Variants in SHC4 observed in about 807,000 individuals in gnomAD.
SHC4 encodes SHC-transforming protein 4.
In SHC4, 41 loss-of-function variants were observed where a neutral mutation model predicts 69.4. That is an observed-to-expected ratio of 0.59 (90% CI 0.46 to 0.77). SHC4 has a LOEUF of 0.77. SHC4 is among the 30% of genes least tolerant of loss of function. The pLI is 0.00. For missense variants in SHC4, 777 were observed against 783.8 expected (o/e 0.99, Z 0.10); for synonymous variants, 318 against 299.3 (o/e 1.06, Z -0.64).
chr15:48,830,405 T>C (rs78885442), intron 11 of SHC4, among the ~76,000 whole-genome samples: 3,020 of 152,322 alleles, frequency 0.02, 106 homozygotes, highest in African/African-American at 0.069. Flanking sequence ...TATAGTTACA[T>C]AGTTATTGTT....
chr15:48,827,648 G>T (rs1004150985), intron 11 of SHC4, among the ~76,000 whole-genome samples: 1 of 152,118 alleles, frequency 6.6e-6, no homozygotes. Context: ...CTGTATACAA[G>T]TGTGAAATTA....
At chr15:48,877,692 G>T (rs1036401055) in intron 4 of SHC4, 51 of 487,120 alleles carry the variant, frequency 1.0e-4, no homozygotes, top group African/African-American at 1.0e-3. Context: ...CTTTTTAAAT[G>T]AAAACACTAA....
intron 5 of SHC4, among the ~76,000 whole-genome samples, chr15:48,870,193 T>C (rs1899642051): frequency 6.6e-6 from 1 of 152,220 alleles, no homozygotes; most frequent in African/African-American, 2.4e-5. Flanking sequence ...ATGACTGAGC[T>C]AGGGAGAAGA....
At chr15:48,846,183 C>A (rs1428934989) in intron 9 of SHC4, among the ~76,000 whole-genome samples, 1 of 152,060 alleles carries the variant, frequency 6.6e-6, no homozygotes, top group Non-Finnish European at 1.5e-5. Flanking sequence ...CTTTTAAATT[C>A]ATATGGACCT....
chr15:48,860,464 G>A (rs1241021200), intron 6 of SHC4, among the ~76,000 whole-genome samples: 4 of 152,056 alleles, frequency 2.6e-5, no homozygotes, highest in South Asian at 2.1e-4. Flanking sequence ...CCAAGATGGC[G>A]TCATTGCACT....
chr15:48,936,854 C>G (rs951806363), intron 1 of SHC4, among the ~76,000 whole-genome samples: 1 of 152,190 alleles, frequency 6.6e-6, no homozygotes, highest in Non-Finnish European at 1.5e-5. Flanking sequence ...TGTACTGTCT[C>G]ATTCCAACAG....
intron 7 of SHC4, among the ~76,000 whole-genome samples, chr15:48,857,304 T>G (rs1899339586): frequency 6.6e-6 from 1 of 151,514 alleles, no homozygotes; most frequent in African/African-American, 2.4e-5. Context: ...GTTCTTGCTG[T>G]GTTTTTTTTT....
intron 11 of SHC4, among the ~76,000 whole-genome samples, chr15:48,828,654 G>A (rs961135044): frequency 2.0e-5 from 3 of 151,990 alleles, no homozygotes; most frequent in South Asian, 2.1e-4. Context: ...ATATCCTTGC[G>A]AACACCTGTT....
chr15:48,838,510 G>A (rs929188991), intron 10 of SHC4, among the ~76,000 whole-genome samples: 4 of 152,132 alleles, frequency 2.6e-5, no homozygotes, highest in African/African-American at 9.7e-5. Flanking sequence ...TTTACACAAA[G>A]TACCTGAACA....
At chr15:48,862,682 C>G (rs760148821) in intron 6 of SHC4, among the ~76,000 whole-genome samples, 1 of 152,200 alleles carries the variant, frequency 6.6e-6, no homozygotes, top group Non-Finnish European at 1.5e-5. Flanking sequence ...AAAAATTGAG[C>G]TTTCCAGAGT....
chr15:48,945,400 C>T (rs1901257436), intron 1 of SHC4, among the ~76,000 whole-genome samples: 1 of 151,852 alleles, frequency 6.6e-6, no homozygotes, highest in South Asian at 2.1e-4. Flanking sequence ...AACATGTCTG[C>T]ACAAAAACTT....
chr15:48,834,290 C>T (rs937114694), intron 11 of SHC4, among the ~76,000 whole-genome samples: 1 of 152,180 alleles, frequency 6.6e-6, no homozygotes, highest in Non-Finnish European at 1.5e-5. Context: ...GTTTGCTTTA[C>T]ATGATGGACC....
At chr15:48,938,709 C>T (rs1372044363) in intron 1 of SHC4, among the ~76,000 whole-genome samples, 1 of 152,196 alleles carries the variant, frequency 6.6e-6, no homozygotes, top group East Asian at 1.9e-4. Context: ...ATGCCCCAGC[C>T]AATGTGCTCG....
At chr15:48,886,356 C>T (rs745906697) in intron 3 of SHC4, among the ~76,000 whole-genome samples, 22 of 152,130 alleles carry the variant, frequency 1.4e-4, no homozygotes, top group Non-Finnish European at 3.1e-4. Context: ...TTACGTAAAT[C>T]ATCTTAATTT....
Position 48,825,794 on chromosome 15 carries a change from G to T in SHC4, c.*177C>A. ...TTCCTCTTTTCTGATTTTCATTTCT[G>T]AAGACTAATTTTTGTTAGTTCTTCA... On this transcript the variant is annotated 3_prime_UTR_variant, in exon 12 of 12. Transcript: ENST00000332408. 2 of 683,464 alleles carry T rather than the reference G, an allele frequency of 2.9e-6. No individual in the cohort carries two copies. Among genetic ancestry groups the T allele is most frequent in the Non-Finnish European group, 4.6e-6 (2 of 438,164 alleles). The allele number at this position is 683,464 out of a possible 1,614,324, so 42.3% of individuals were successfully genotyped here.
chr15:48,870,470 G>A (rs1369506209), intron 5 of SHC4, among the ~76,000 whole-genome samples: 1 of 152,172 alleles, frequency 6.6e-6, no homozygotes, highest in African/African-American at 2.4e-5. Flanking sequence ...CAGCATCATG[G>A]AACTAATATA....
intron 10 of SHC4, among the ~76,000 whole-genome samples, chr15:48,835,903 C>G (rs1007820170): frequency 4.0e-5 from 6 of 151,258 alleles, no homozygotes; most frequent in African/African-American, 1.5e-4. Context: ...GGTGGCCAGA[C>G]AGGATGGCTC....
intron 3 of SHC4, among the ~76,000 whole-genome samples, chr15:48,887,715 G>C (rs1900060530): frequency 6.6e-6 from 1 of 152,064 alleles, no homozygotes; most frequent in Non-Finnish European, 1.5e-5. Flanking sequence ...ACCAAAAGTT[G>C]GTTCTCCCAA....
chr15:48,853,964 A>G (rs1427991904), intron 8 of SHC4, among the ~76,000 whole-genome samples: 1 of 152,210 alleles, frequency 6.6e-6, no homozygotes, highest in East Asian at 1.9e-4. Flanking sequence ...AAGAAAAATA[A>G]AAATGGACAA....
Sources: gnomAD v4.1 joint callset for allele counts (sites outside exome capture counted in the v4.1 genomes callset) on GRCh38, gnomAD v4.1.1 for gene constraint, MANE v1.5 for transcripts, NCBI Gene and HGNC (gene_info 2026-07-23, HGNC 2026-07-21) for gene names.